The following SNRPN variants were observed in gnomAD, a reference collection of about 807,000 sequenced individuals.
The protein encoded by SNRPN is small nuclear ribonucleoprotein polypeptide N.
A neutral mutation model predicts 25.2 loss-of-function variants in SNRPN; 7 were observed. The ratio of observed to expected loss-of-function variants is 0.28; its 90% CI spans 0.16 to 0.52. The LOEUF (loss-of-function observed/expected upper bound fraction) is 0.52. Ranked by LOEUF, SNRPN falls within the 20% of genes least tolerant of loss-of-function variation. SNRPN has a pLI of 0.96. For missense variants in SNRPN, 196 were observed against 322.5 expected (o/e 0.61, Z 3.00); for synonymous variants, 124 against 110.6 (o/e 1.12, Z -0.76).
chr15:24,974,902 T>C, intron 4 of SNRPN: 2 of 702,728 alleles, frequency 2.8e-6, no homozygotes, highest in Non-Finnish European at 5.2e-6. Flanking sequence ...TACAGGAGTT[T>C]TTGGTCATGA....
chr15:24,915,949 T>G (rs2059486892), intron 2 of SNRPN, among the ~76,000 whole-genome samples: 1 of 151,054 alleles, frequency 6.6e-6, no homozygotes, highest in Admixed American at 6.7e-5. Flanking sequence ...ACATTGTGGT[T>G]TTTTTTTGGC....
intron 3 of SNRPN, among the ~76,000 whole-genome samples, chr15:24,945,929 G>T (rs1049060989): frequency 6.6e-6 from 1 of 152,180 alleles, no homozygotes; most frequent in Non-Finnish European, 1.5e-5. Flanking sequence ...GAACATGTTG[G>T]CTGCTCCTGT....
intron 2 of SNRPN, among the ~76,000 whole-genome samples, chr15:24,899,175 A>C (rs2058279948): frequency 6.6e-6 from 1 of 152,098 alleles, no homozygotes; most frequent in South Asian, 2.1e-4. Context: ...CTCTCCCAAC[A>C]CTCAGCTTTT....
intron 3 of SNRPN, among the ~76,000 whole-genome samples, chr15:24,946,086 A>G (rs1458210898): frequency 6.6e-6 from 1 of 152,174 alleles, no homozygotes; most frequent in Non-Finnish European, 1.5e-5. Context: ...TTCTTATGGA[A>G]TAGAATTATA....
upstream of SNRPN, among the ~76,000 whole-genome samples, chr15:24,852,777 T>A (rs1256132558): frequency 6.6e-6 from 1 of 151,808 alleles, no homozygotes; most frequent in Non-Finnish European, 1.5e-5. Context: ...ATGCAAAAAA[T>A]TAGCTAGGTG....
Position 24,927,475 on chromosome 15 carries a change from A to ATTTTTTTTTTTTTTTTT in SNRPN, c.-391+7351_-391+7352insTTTTTTTTTTTTTTTTT, listed in dbSNP as rs1566921436. On this transcript the variant is annotated intron_variant, in intron 3 of 11. Coordinates refer to the SNRPN transcript ENST00000400097. The stretch of plus-strand genomic sequence containing the variant: ...TTTCCCACTGCTTATAAAGTTTTTA[A>ATTTTTTTTTTTTTTTTT]ATTTTTTTTTTTTTTTTTTTTTTTT... Among the ~76,000 whole-genome samples the ATTTTTTTTTTTTTTTTT allele has an allele frequency of 1.1e-3, 121 of 113,320 alleles. 37 individuals carry two copies. The highest frequency in any genetic ancestry group is 8.8e-3 in the East Asian group (29 of 3,296). 74.3% of individuals were successfully genotyped at this position (113,320 alleles called of 152,430 possible). A position where few individuals can be genotyped will look rare whatever the true frequency, so the allele number is the denominator to read the frequency against.
chr15:24,890,383 A>G (rs2057573577), intron 2 of SNRPN, among the ~76,000 whole-genome samples: 1 of 152,126 alleles, frequency 6.6e-6, no homozygotes, highest in Non-Finnish European at 1.5e-5. Context: ...GTCCATAAAA[A>G]TACACCTATC....
At chr15:24,884,058 TC>T (rs778586987) in intron 1 of SNRPN, among the ~76,000 whole-genome samples, 20 of 143,208 alleles carry the variant, frequency 1.4e-4, no homozygotes, top group Non-Finnish European at 2.7e-4. Flanking sequence ...ACGCCTGTAA[TC>T]CCAGCATTTT....
chr15:24,973,739 T>C (rs1350549884), intron 3 of SNRPN, among the ~76,000 whole-genome samples: 3 of 152,208 alleles, frequency 2.0e-5, no homozygotes, highest in African/African-American at 7.2e-5. Flanking sequence ...TTACTTGATC[T>C]ATGAAAGTTG....
chr15:24,920,025 A>G (rs2059941293), exon 3 of SNRPN: 1 of 152,134 alleles, frequency 6.6e-6, no homozygotes, highest in Non-Finnish European at 1.5e-5. Flanking sequence ...TGTAAGTGGA[A>G]CTCAGAAGGC....
intron 1 of SNRPN, among the ~76,000 whole-genome samples, chr15:24,873,725 A>G (rs1057278247): frequency 3.3e-5 from 5 of 152,066 alleles, no homozygotes; most frequent in East Asian, 2.0e-4. Context: ...GGGATTACAG[A>G]CGTGAGCCAC....
intron 2 of SNRPN, among the ~76,000 whole-genome samples, chr15:24,919,379 C>T (rs2059904264): frequency 6.7e-6 from 1 of 148,714 alleles, no homozygotes; most frequent in Non-Finnish European, 1.5e-5. Context: ...TGGAGTGAGC[C>T]GAGATAGCGC....
At chr15:24,834,751 C>CTATATATATA (rs796257838) in intron 2 of SNRPN, among the ~76,000 whole-genome samples, 14 of 60,954 alleles carry the variant, frequency 2.3e-4, no homozygotes, top group Non-Finnish European at 3.3e-4. Flanking sequence ...CTCTCTCTCT[C>CTATATATATA]TATATATATA....
At chr15:24,836,500 G>A (rs1471941971) in intron 2 of SNRPN, among the ~76,000 whole-genome samples, 4 of 151,012 alleles carry the variant, frequency 2.6e-5, no homozygotes, top group East Asian at 1.9e-4. Context: ...CAAACTCTGC[G>A]TCCCGTTTTC....
chr15:24,850,879 A>G (rs1485423675), intron 2 of SNRPN: 2 of 152,036 alleles, frequency 1.3e-5, no homozygotes, highest in African/African-American at 2.4e-5. Flanking sequence ...AAGAAAATTT[A>G]AGTTTATTAG....
Position 24,926,501 on chromosome 15 carries a change from C to T in SNRPN, c.-391+6377C>T, listed in dbSNP as rs2060388394. 2.0e-5 allele frequency among the ~76,000 whole-genome samples: 3 copies of T among 152,100 alleles called. No homozygotes were observed. In the South Asian group the frequency reaches 6.2e-4, roughly 32 times the overall value. Reference sequence around the variant, plus strand: ...ATTATGCAGACATTCTGCTTGTATCCCTGCTTCTTCACCATGCTGTTATAT... The same window carrying T: ...ATTATGCAGACATTCTGCTTGTATCTCTGCTTCTTCACCATGCTGTTATAT... On this transcript the variant is annotated intron_variant, in intron 3 of 11. Coordinates refer to the SNRPN transcript ENST00000400097.
chr15:24,897,080 G>C (rs1005402134), intron 2 of SNRPN, among the ~76,000 whole-genome samples: 3 of 152,030 alleles, frequency 2.0e-5, no homozygotes, highest in Non-Finnish European at 4.4e-5. Context: ...TTGGGTCCAG[G>C]AGGCAGAGGT....
At chr15:24,893,443 C>T (rs1273430559) in intron 2 of SNRPN, among the ~76,000 whole-genome samples, 4 of 151,664 alleles carry the variant, frequency 2.6e-5, no homozygotes, top group African/African-American at 9.7e-5. Flanking sequence ...GTATTGAGAC[C>T]TCATCTTTAC....
intron 3 of SNRPN, among the ~76,000 whole-genome samples, chr15:24,924,150 T>C (rs931309696): frequency 1.3e-4 from 20 of 151,494 alleles, no homozygotes; most frequent in African/African-American, 4.4e-4. Context: ...AGTAGTCAGA[T>C]TAATGGGAGA....
Sources: allele counts gnomAD v4.1 joint callset (sites outside exome capture counted in the v4.1 genomes callset), GRCh38; gene constraint gnomAD v4.1.1; transcripts MANE v1.5; gene names NCBI Gene and HGNC (gene_info 2026-07-23, HGNC 2026-07-21).